ARHGEF10L: variants seen among roughly 807,000 people sequenced by gnomAD.
The protein encoded by ARHGEF10L is Rho guanine nucleotide exchange factor 10 like.
In ARHGEF10L, 69 loss-of-function variants were observed where a neutral mutation model predicts 141.2. The ratio of observed to expected loss-of-function variants is 0.49; its 90% CI spans 0.40 to 0.60. ARHGEF10L has a LOEUF of 0.60. Ranked by LOEUF, ARHGEF10L falls within the 20% of genes least tolerant of loss-of-function variation. ARHGEF10L has a pLI of 0.00. For missense variants in ARHGEF10L, 1,482 were observed against 1,734.3 expected (o/e 0.85, Z 2.58); for synonymous variants, 711 against 718.5 (o/e 0.99, Z 0.17).
the ARHGEF10L span, among the ~76,000 whole-genome samples, chr1:17,533,208 T>C: frequency 1.5e-4 from 23 of 152,282 alleles, no homozygotes; most frequent in African/African-American, 3.4e-4. Flanking sequence ...AGTTTCCTCA[T>C]TGGTAAAATG....
intron 26 of ARHGEF10L, among the ~76,000 whole-genome samples, chr1:17,684,659 G>T (rs1323694599): frequency 2.0e-5 from 3 of 152,172 alleles, no homozygotes; most frequent in Non-Finnish European, 1.5e-5. Context: ...CTCTTGGGGG[G>T]CCCCCACCCA....
In ARHGEF10L at chr1:17,618,593, A is replaced by C. The variant is rs978022742; in HGVS notation, c.836-746A>C. On this transcript the variant is annotated intron_variant, in intron 9 of 28. Transcript: ENST00000361221. ...TGCTGCCGCTTCTTCTTTCCTCCCC[A>C]GCTTCCTCACAGCTCCCATTTCCTG... The C allele has an allele frequency of 3.9e-5, 45 of 1,159,224 alleles. No individual in the cohort carries two copies. The African/African-American group carries it at 6.7e-4, about 17-fold the overall frequency. The allele number at this position is 1,159,224 out of a possible 1,614,324, so 71.8% of individuals were successfully genotyped here.
chr1:17,644,392 C>T lies in ARHGEF10L; in HGVS notation c.2272+4090C>T, dbSNP rs992288115. Among the ~76,000 whole-genome samples, 2 of 152,240 alleles carry T rather than the reference C, an allele frequency of 1.3e-5. No individual in the cohort carries two copies. The highest frequency in any genetic ancestry group is 4.8e-5 in the African/African-American group (2 of 41,464). ...ACAGGCTGGTGCTGGGATCTGCCCA[C>T]ACCCTGCAGCTGGAAGGGATGGGTC... On this transcript the variant is annotated intron_variant, in intron 21 of 28. Transcript: ENST00000361221. This position sits in a 1 kb window ranked among gnomAD's most constrained non-coding sequence, Gnocchi z 4.5.
In ARHGEF10L at chr1:17,654,816, C is replaced by T; in HGVS notation, c.2481+94C>T. On this transcript the variant is annotated intron_variant, in intron 23 of 28. Coordinates refer to ENST00000361221, the MANE Select transcript of ARHGEF10L (RefSeq NM_018125.4). The surrounding 1 kb of genome is among the most constrained non-coding windows in gnomAD (Gnocchi z 4.3). ...AGGGGGTGCTGGAGACAGCAGCTGCCTGCCTCATCTCATGCAGCTTCATCC... is the reference window on the plus strand; with the variant it reads ...AGGGGGTGCTGGAGACAGCAGCTGCTTGCCTCATCTCATGCAGCTTCATCC... 8.7e-7 allele frequency: 1 copy of T among 1,144,010 alleles called. No individual in the cohort carries two copies. Among genetic ancestry groups the T allele is most frequent in the Non-Finnish European group, 1.3e-6 (1 of 764,238 alleles). The allele number at this position is 1,144,010 out of a possible 1,614,324, so 70.9% of individuals were successfully genotyped here. A position where few individuals can be genotyped will look rare whatever the true frequency, so the allele number is the denominator to read the frequency against.
intron 1 of ARHGEF10L, among the ~76,000 whole-genome samples, chr1:17,543,698 A>T (rs1236888058): frequency 6.6e-6 from 1 of 151,356 alleles, no homozygotes; most frequent in South Asian, 2.1e-4. Flanking sequence ...CCCAGGCTGG[A>T]GTGAAATGGT....
chr1:17,618,467 C>A, intron 9 of ARHGEF10L: 1 of 1,474,468 alleles, frequency 6.8e-7, no homozygotes, highest in African/African-American at 1.4e-5. Flanking sequence ...ACCACCCCCA[C>A]CCCCACGCCG....
chr1:17,562,433 A>T (rs192359518), intron 1 of ARHGEF10L, among the ~76,000 whole-genome samples: 1 of 136,222 alleles, frequency 7.3e-6, no homozygotes, highest in Non-Finnish European at 1.7e-5. Flanking sequence ...ACAAACAAAA[A>T]GAGTGGGGAG....
Position 17,603,641 on chromosome 1 carries a change from G to C in ARHGEF10L, c.433+50G>C. 6.7e-7 allele frequency: 1 copy of C among 1,498,966 alleles called. No homozygotes were observed. Among genetic ancestry groups the C allele is most frequent in the Non-Finnish European group, 9.1e-7 (1 of 1,103,766 alleles). The allele number at this position is 1,498,966 out of a possible 1,614,324, so 92.9% of individuals were successfully genotyped here. A position where few individuals can be genotyped will look rare whatever the true frequency, so the allele number is the denominator to read the frequency against. On this transcript the variant is annotated intron_variant, in intron 6 of 28. Transcript: ENST00000361221. This position sits in a 1 kb window ranked among gnomAD's most constrained non-coding sequence, Gnocchi z 4.8. ...GTTTCTCTTGGGGACAGGGGAGGGA[G>C]GCTGGGACTGGGGAGGGTTGTCTCT...
rs2101458746 is a variant in ARHGEF10L at position 17,621,553 on chromosome 1, GT to G, written c.943-310del. Among the ~76,000 whole-genome samples, 1 of 152,310 alleles carries G rather than the reference GT, an allele frequency of 6.6e-6. No individual in the cohort carries two copies. Among genetic ancestry groups the G allele is most frequent in the Admixed American group, 6.5e-5 (1 of 15,306 alleles). ...TGGCCTAGGATTTTCTATTAGAGTT[GT>G]CCAAAGATGGAGGTGGTCACCCGCC... On this transcript the variant is annotated intron_variant, in intron 10 of 28. Coordinates refer to ENST00000361221, the MANE Select transcript of ARHGEF10L (RefSeq NM_018125.4). This position sits in a 1 kb window ranked among gnomAD's most constrained non-coding sequence, Gnocchi z 4.1.
intron 22 of ARHGEF10L, among the ~76,000 whole-genome samples, chr1:17,653,278 G>A (rs776073135): frequency 1.1e-4 from 17 of 152,208 alleles, no homozygotes; most frequent in African/African-American, 3.6e-4. Context: ...TCACAGCTTC[G>A]TGCTCCCCTC....
intron 1 of ARHGEF10L, among the ~76,000 whole-genome samples, chr1:17,557,950 G>A (rs1321374329): frequency 6.6e-6 from 1 of 152,154 alleles, no homozygotes; most frequent in African/African-American, 2.4e-5. Context: ...AGAGCCCTGG[G>A]CACAGTGTCC....
chr1:17,638,632 A>G lies in ARHGEF10L; in HGVS notation c.2114A>G (p.Glu705Gly), dbSNP rs1293232064. Residue 705 changes from glutamate to glycine, a missense_variant, in exon 20 of 29, where the codon GAG (glutamate) becomes GGG (glycine). This residue lies in a region of ARHGEF10L where 858 missense variants were observed against 966.3 expected (regional missense o/e 0.89). Transcript: ENST00000361221. The stretch of plus-strand genomic sequence containing the variant: ...AGGCTGATGCGGGTGAAGGAGGAAG[A>G]GATCCACTCGGCCAACAAGTGCCGT... Reference protein sequence around the residue: ...LQRLMRVKEEEIHSANKCRLR... With the variant: ...LQRLMRVKEEGIHSANKCRLR... 6.2e-7 allele frequency: 1 copy of G among 1,614,150 alleles called. No individual in the cohort carries two copies. The highest frequency in any genetic ancestry group is 1.7e-5 in the Admixed American group (1 of 60,018).
chr1:17,685,345 G>T (rs576514155), intron 26 of ARHGEF10L, among the ~76,000 whole-genome samples: 1 of 152,282 alleles, frequency 6.6e-6, no homozygotes, highest in East Asian at 1.9e-4. Flanking sequence ...GCTCTGGCCT[G>T]TCCCATTGCT....
At chr1:17,538,629 G>T (rs1375095386), upstream of ARHGEF10L, among the ~76,000 whole-genome samples, 1 of 151,816 alleles carries the variant, frequency 6.6e-6, no homozygotes, top group Non-Finnish European at 1.5e-5. Context: ...CGGGGCTGGG[G>T]TCTGTCTGGT....
At chr1:17,637,708 A>G (rs924521381) in intron 18 of ARHGEF10L, among the ~76,000 whole-genome samples, 180 bp from the exon 19 acceptor site, 5 of 152,126 alleles carry the variant, frequency 3.3e-5, no homozygotes, top group Admixed American at 2.6e-4. Context: ...GTTTCACCGT[A>G]TTAGCCAGGA....
At chr1:17,634,616 G>C (rs2060892595) in intron 17 of ARHGEF10L, 54 bp downstream of exon 17, 1 of 1,602,754 alleles carries the variant, frequency 6.2e-7, no homozygotes, top group Non-Finnish European at 8.5e-7. Context: ...CTGGGGCTCT[G>C]GTGCCATGTG....
intron 9 of ARHGEF10L, among the ~76,000 whole-genome samples, chr1:17,617,875 A>G (rs1355160849): frequency 6.6e-6 from 1 of 151,984 alleles, no homozygotes; most frequent in African/African-American, 2.4e-5. Context: ...TGGTGCCAGG[A>G]CGGCCTCGTG....
At position 17,621,942 on chromosome 1, in the gene ARHGEF10L, G is replaced by A; in HGVS notation, c.1020+1G>A. 6.2e-7 allele frequency: 1 copy of A among 1,614,198 alleles called. No individual in the cohort carries two copies. The highest frequency in any genetic ancestry group is 1.7e-5 in the Admixed American group (1 of 60,036). The stretch of plus-strand genomic sequence containing the variant: ...GGAGTCTCTGAAGCGGATACTCCAG[G>A]TGCGACTTCAGGGAGTTCTCAAGGG... On this transcript the variant is annotated splice_donor_variant, in intron 11 of 28. Coordinates refer to ENST00000361221, the MANE Select transcript of ARHGEF10L (RefSeq NM_018125.4). LOFTEE classifies it high-confidence loss of function. This position sits in a 1 kb window ranked among gnomAD's most constrained non-coding sequence, Gnocchi z 4.1.
At chr1:17,676,983 C>T (rs921106217) in intron 26 of ARHGEF10L, among the ~76,000 whole-genome samples, 4 of 152,074 alleles carry the variant, frequency 2.6e-5, no homozygotes, top group Middle Eastern at 3.4e-3. Context: ...GCACTCTCTG[C>T]ATCGGGCCGT....
Sources: allele counts gnomAD v4.1 joint callset (sites outside exome capture counted in the v4.1 genomes callset), GRCh38; gene constraint gnomAD v4.1.1; regional missense constraint gnomAD v4.1.1; non-coding constraint Gnocchi (gnomAD v3.1); transcripts MANE v1.5; gene names NCBI Gene and HGNC (gene_info 2026-07-23, HGNC 2026-07-21).